The following PMP22 variants were observed in gnomAD, a reference collection of about 807,000 sequenced individuals.
PMP22 encodes peripheral myelin protein 22.
Under a neutral mutation model 18.9 loss-of-function variants are expected in PMP22, and 2 were observed. The observed-to-expected ratio is 0.11, with a 90% CI of 0.04 to 0.33. PMP22 has a LOEUF of 0.33. Ranked by LOEUF, PMP22 falls within the 10% of genes least tolerant of loss-of-function variation. The probability of loss-of-function intolerance (pLI) is 1.00; values close to 1 mark genes in which losing one functional copy is unlikely to be tolerated. For synonymous variants in PMP22, 95 were observed against 89.2 expected (o/e 1.07, Z -0.37); for missense variants, 169 against 202.2 (o/e 0.84, Z 1.00).
chr17:15,264,613 C>T (rs1909589205), intron 1 of PMP22, among the ~76,000 whole-genome samples: 1 of 152,160 alleles, frequency 6.6e-6, no homozygotes, highest in Non-Finnish European at 1.5e-5. Context: ...TCTTTTGAAC[C>T]CAATAGTTTA....
intron 4 of PMP22, chr17:15,235,356 C>CT: frequency 1.4e-6 from 1 of 716,918 alleles, no homozygotes; most frequent in Non-Finnish European, 2.6e-6. Flanking sequence ...ATGTGCCCCA[C>CT]ATGGAGCTTG....
intron 4 of PMP22, among the ~76,000 whole-genome samples, chr17:15,232,916 G>T (rs1411035454): frequency 6.6e-6 from 1 of 152,172 alleles, no homozygotes; most frequent in African/African-American, 2.4e-5. Context: ...AGAAGTGAAT[G>T]ACTCTAAGCT....
intron 4 of PMP22, among the ~76,000 whole-genome samples, chr17:15,236,091 A>C (rs1906785516): frequency 6.6e-6 from 1 of 151,074 alleles, no homozygotes; most frequent in African/African-American, 2.4e-5. Flanking sequence ...AAAGGACCTC[A>C]GGTGATTCTG....
intron 3 of PMP22, among the ~76,000 whole-genome samples, chr17:15,243,829 T>C (rs1397853024): frequency 6.7e-6 from 1 of 149,570 alleles, no homozygotes; most frequent in Non-Finnish European, 1.5e-5. Context: ...TTTATAGACA[T>C]ACAAAGCTTA....
chr17:15,250,975 G>A (rs1163727518), intron 3 of PMP22, among the ~76,000 whole-genome samples: 2 of 152,088 alleles, frequency 1.3e-5, no homozygotes, highest in Admixed American at 6.6e-5. Context: ...TACAAAACAT[G>A]AATCAAATCA....
intron 3 of PMP22, among the ~76,000 whole-genome samples, chr17:15,246,099 CA>C (rs1907790793): frequency 6.6e-6 from 1 of 152,138 alleles, no homozygotes; most frequent in South Asian, 2.1e-4. Flanking sequence ...GCCAGAACTC[CA>C]AAAGTGTTTT....
At chr17:15,262,271 G>T (rs772257687) in intron 1 of PMP22, among the ~76,000 whole-genome samples, 1 of 152,226 alleles carries the variant, frequency 6.6e-6, no homozygotes, top group Non-Finnish European at 1.5e-5. Flanking sequence ...AAGACCCATT[G>T]GAGGGAAACA....
chr17:15,243,999 A>G lies in PMP22; in HGVS notation c.179-4388T>C, dbSNP rs74731840. 3.8e-3 allele frequency among the ~76,000 whole-genome samples: 581 copies of G among 152,158 alleles called. 4 individuals are homozygous for G. Among genetic ancestry groups the G allele is most frequent in the African/African-American group, 0.013 (555 of 41,530 alleles). On this transcript the variant is annotated intron_variant, in intron 3 of 4. Transcript: ENST00000312280. ...AGTGGGGAAAAATACAACAGACAAT[A>G]CATAGTGTTGGCTATTCATTTGGTA...
rs78041017 is a variant in PMP22 at position 15,245,532 on chromosome 17, T to C, written c.179-5921A>G. ...TACGTACTTGAGGCACTAATATATT[T>C]TATTGGGTTGTCATAATGATCAAAC... is the stretch of plus-strand genomic sequence containing the variant. On this transcript the variant is annotated intron_variant, in intron 3 of 4. Transcript: ENST00000312280. 5.7e-3 allele frequency among the ~76,000 whole-genome samples: 869 copies of C among 152,264 alleles called. 10 individuals carry two copies. The highest frequency in any genetic ancestry group is 0.02 in the African/African-American group (813 of 41,544).
In PMP22 at chr17:15,261,849, A is replaced by C. The variant is rs1005890592; in HGVS notation, c.-34-1088T>G. ...TAGAGGACATGCATGGCTGTGAAAG[A>C]TCTGGCTGAGACTCTGGGGACCATT... On this transcript the variant is annotated intron_variant, in intron 1 of 4. Transcript: ENST00000312280. The surrounding 1 kb of genome is among the most constrained non-coding windows in gnomAD (Gnocchi z 5.2). The C allele has an allele frequency of 1.3e-5, 2 of 152,156 alleles. No individual in the cohort carries two copies. Among genetic ancestry groups the C allele is most frequent in the African/African-American group, 4.8e-5 (2 of 41,374 alleles). 9.4% of individuals were successfully genotyped at this position (152,156 alleles called of 1,614,324 possible). A position where few individuals can be genotyped will look rare whatever the true frequency, so the allele number is the denominator to read the frequency against.
At position 15,240,824 on chromosome 17, in the gene PMP22, G is replaced by A. The variant is rs1417868722; in HGVS notation, c.179-1213C>T. Among the ~76,000 whole-genome samples, 3 of 152,162 alleles carry A rather than the reference G, an allele frequency of 2.0e-5. No homozygotes were observed. In the East Asian group the frequency reaches 5.8e-4, roughly 29 times the overall value. On this transcript the variant is annotated intron_variant, in intron 3 of 4. Transcript: ENST00000312280. ...ACTGCCATATGTAATGGCTTCAAAA[G>A]CATACCTTCAATGCTTCACCCAGTA...
intron 3 of PMP22, among the ~76,000 whole-genome samples, chr17:15,248,908 G>A (rs970634989): frequency 2.0e-5 from 3 of 152,130 alleles, no homozygotes; most frequent in Non-Finnish European, 4.4e-5. Flanking sequence ...AGAAAATGAC[G>A]GGAAAGGCAG....
intron 3 of PMP22, among the ~76,000 whole-genome samples, chr17:15,250,763 G>A (rs1487558882): frequency 7.9e-5 from 12 of 152,172 alleles, no homozygotes. Context: ...GAGTTCTTGT[G>A]AGGATTAAAT....
At chr17:15,264,259 G>T (rs111878831) in intron 1 of PMP22, among the ~76,000 whole-genome samples, 5 of 150,892 alleles carry the variant, frequency 3.3e-5, no homozygotes, top group Non-Finnish European at 5.9e-5. Flanking sequence ...GATAGATATA[G>T]ATAGATAGAT....
chr17:15,239,773 T>C (rs1239518559), intron 3 of PMP22, among the ~76,000 whole-genome samples, 162 bp from the exon 4 acceptor site: 2 of 152,228 alleles, frequency 1.3e-5, no homozygotes, highest in Admixed American at 6.5e-5. Context: ...CAATTCACTT[T>C]TGCAATCTAA....
At chr17:15,231,371 A>G (rs1906334808) in intron 4 of PMP22, among the ~76,000 whole-genome samples, 1 of 152,116 alleles carries the variant, frequency 6.6e-6, no homozygotes, top group Admixed American at 6.5e-5. Context: ...CCCAGGCCAC[A>G]CTACATGGCC....
intron 4 of PMP22, among the ~76,000 whole-genome samples, chr17:15,238,753 G>T (rs1282314036): frequency 6.6e-6 from 1 of 152,256 alleles, no homozygotes; most frequent in Non-Finnish European, 1.5e-5. Context: ...TGTAACAGAA[G>T]TTTCTAGGAC....
chr17:15,261,598 AC>A lies in PMP22; in HGVS notation c.-34-838del, dbSNP rs1909350376. 1 of 152,364 alleles carries A rather than the reference AC, an allele frequency of 6.6e-6. No individual in the cohort carries two copies. Among genetic ancestry groups the A allele is most frequent in the Non-Finnish European group, 1.5e-5 (1 of 68,186 alleles). The allele number at this position is 152,364 out of a possible 1,614,324, so 9.4% of individuals were successfully genotyped here. A position where few individuals can be genotyped will look rare whatever the true frequency, so the allele number is the denominator to read the frequency against. On this transcript the variant is annotated intron_variant, in intron 1 of 4. Coordinates refer to ENST00000312280, the MANE Select transcript of PMP22 (RefSeq NM_000304.4). This position sits in a 1 kb window ranked among gnomAD's most constrained non-coding sequence, Gnocchi z 5.2. ...CACCCCAGGCACTCAAAGCCAGGACACGAACCCCAACAAGCCTGAGCTCCGG... is the reference window on the plus strand; with the variant it reads ...CACCCCAGGCACTCAAAGCCAGGACAGAACCCCAACAAGCCTGAGCTCCGG...
chr17:15,253,048 A>G (rs1366182072), intron 3 of PMP22, among the ~76,000 whole-genome samples: 1 of 152,276 alleles, frequency 6.6e-6, no homozygotes, highest in Non-Finnish European at 1.5e-5. Flanking sequence ...TGGTTCATTC[A>G]ATAGCAGGGC....
Sources: gnomAD v4.1 joint callset for allele counts (sites outside exome capture counted in the v4.1 genomes callset) on GRCh38, gnomAD v4.1.1 for gene constraint, Gnocchi (gnomAD v3.1) non-coding constraint, MANE v1.5 for transcripts, NCBI Gene and HGNC (gene_info 2026-07-23, HGNC 2026-07-21) for gene names.